Variants in APP observed in about 807,000 individuals in gnomAD.
APP encodes amyloid beta precursor protein, also known as amyloid-beta precursor protein.
Under a neutral mutation model 101.4 loss-of-function variants are expected in APP, and 31 were observed. The ratio of observed to expected loss-of-function variants is 0.31; its 90% CI spans 0.23 to 0.41. APP has a LOEUF of 0.41. APP is among the 10% of genes least tolerant of loss of function. APP has a pLI of 1.00. For synonymous variants in APP, 366 were observed against 364.4 expected (o/e 1.00, Z -0.05); for missense variants, 839 against 1,003.7 (o/e 0.84, Z 2.22).
intron 6 of APP, among the ~76,000 whole-genome samples, chr21:26,018,594 C>T (rs762438774): frequency 2.0e-5 from 3 of 152,126 alleles, no homozygotes; most frequent in Admixed American, 2.0e-4. Flanking sequence ...CTCGCATGGG[C>T]ACAACTGACC....
In APP at chr21:25,971,197, G is replaced by A. The variant is rs544756742; in HGVS notation, c.1458+3873C>T. Among the ~76,000 whole-genome samples, 93 of 150,722 alleles carry A rather than the reference G, an allele frequency of 6.2e-4. No homozygotes were observed. The East Asian group carries it at 0.012, about 19-fold the overall frequency. On this transcript the variant is annotated intron_variant, in intron 11 of 17. Transcript: ENST00000346798. ...TGAGTAGCTGGGACTACAGGTGTGC[G>A]CCACCACACCTGGCTAATTTTTTGT...
In APP at chr21:26,086,960, T is replaced by C. The variant is rs80321501; in HGVS notation, c.355+2983A>G. ...TTCAACCTCTCTGGATCTTGGTAGT[T>C]GTATAGCCTGTGAAGAGAGACGAAG... On this transcript the variant is annotated intron_variant, in intron 3 of 17. Transcript: ENST00000346798. Among the ~76,000 whole-genome samples, 169 of 152,332 alleles carry C rather than the reference T, an allele frequency of 1.1e-3. 5 individuals carry two copies. The East Asian group carries it at 0.029, about 26-fold the overall frequency.
chr21:26,012,364 G>T (rs1473973441), intron 6 of APP, among the ~76,000 whole-genome samples: 4 of 151,750 alleles, frequency 2.6e-5, no homozygotes, highest in Non-Finnish European at 5.9e-5. Flanking sequence ...CTGCTGTCTT[G>T]AAAATTAAGG....
chr21:25,945,855 AT>A (rs1326718499), intron 13 of APP: 2 of 453,974 alleles, frequency 4.4e-6, no homozygotes, highest in East Asian at 7.1e-5. Flanking sequence ...TGCCTGGATA[AT>A]TTTTTTGTAG....
intron 5 of APP, among the ~76,000 whole-genome samples, chr21:26,034,373 G>C (rs890609601): frequency 1.3e-5 from 2 of 152,118 alleles, no homozygotes; most frequent in Non-Finnish European, 2.9e-5. Flanking sequence ...GGCCAGGCAC[G>C]GTGGCTCAGG....
chr21:26,000,257 C>A lies in APP; in HGVS notation c.866-75G>T, dbSNP rs147039821. 37 of 1,581,480 alleles carry A rather than the reference C, an allele frequency of 2.3e-5. 1 individual carries two copies. In the East Asian group the frequency reaches 8.3e-4, roughly 36 times the overall value. The stretch of plus-strand genomic sequence containing the variant: ...CTCTCTGTTCATGTATACACGTTTA[C>A]TTCTTTTAATCCTCCCAGTGGCAAC... On this transcript the variant is annotated intron_variant, in intron 6 of 17. Coordinates refer to ENST00000346798, the MANE Select transcript of APP (RefSeq NM_000484.4).
intron 13 of APP, among the ~76,000 whole-genome samples, chr21:25,947,682 A>G (rs1384068239): frequency 6.6e-6 from 1 of 152,172 alleles, no homozygotes; most frequent in East Asian, 1.9e-4. Context: ...CAATGGGGGA[A>G]CAAGGCTTTG....
At chr21:26,095,639 G>A (rs2061925152) in intron 2 of APP, among the ~76,000 whole-genome samples, 1 of 152,134 alleles carries the variant, frequency 6.6e-6, no homozygotes, top group African/African-American at 2.4e-5. Context: ...GCATTCACTG[G>A]GGGTCTTGGA....
intron 7 of APP, among the ~76,000 whole-genome samples, chr21:25,999,277 A>G (rs1431029474): frequency 1.3e-5 from 2 of 152,172 alleles, no homozygotes; most frequent in African/African-American, 4.8e-5. Flanking sequence ...GTGAGACAGA[A>G]TGAGACCCTG....
intron 2 of APP, among the ~76,000 whole-genome samples, chr21:26,102,514 CTATTTA>C (rs937572058): frequency 1.3e-5 from 2 of 152,014 alleles, no homozygotes; most frequent in Non-Finnish European, 2.9e-5. Context: ...TTGTTTTGTT[CTATTTA>C]TATTTATAAA....
chr21:26,073,211 G>C (rs1431459942), intron 3 of APP, among the ~76,000 whole-genome samples: 4 of 152,058 alleles, frequency 2.6e-5, no homozygotes, highest in Admixed American at 6.6e-5. Flanking sequence ...TCTGAATTCT[G>C]ATTCTAAATA....
intron 13 of APP, among the ~76,000 whole-genome samples, chr21:25,924,429 G>GAAAAAAAAAAAAAAAAAA (rs1338097815): frequency 1.9e-5 from 1 of 53,692 alleles, no homozygotes; most frequent in South Asian, 9.8e-4. Flanking sequence ...AAAAAAAAAG[G>GAAAAAAAAAAAAAAAAAA]AAAAAAAAAA....
In APP at chr21:25,976,291, C is replaced by T. The variant is rs3737416; in HGVS notation, c.1225-263G>A. The stretch of plus-strand genomic sequence containing the variant: ...AGTCAAGGTTGGTCTTTTTTTACCC[C>T]GAGAACTGACAGTCATTTGATTTGA... On this transcript the variant is annotated intron_variant, in intron 9 of 17. Coordinates refer to ENST00000346798, the MANE Select transcript of APP (RefSeq NM_000484.4). Among the ~76,000 whole-genome samples the T allele has an allele frequency of 0.091, 13,767 of 151,762 alleles. 990 individuals carry two copies. The highest frequency in any genetic ancestry group is 0.19 in the African/African-American group (7,982 of 41,322).
At chr21:25,935,704 G>A (rs2040330751) in intron 13 of APP, among the ~76,000 whole-genome samples, 2 of 152,074 alleles carry the variant, frequency 1.3e-5, no homozygotes, top group Admixed American at 1.3e-4. Context: ...GCTGGGTGTG[G>A]TGGTGCGCGC....
At chr21:26,052,768 G>A (rs1036830195) in intron 4 of APP, among the ~76,000 whole-genome samples, 1 of 151,978 alleles carries the variant, frequency 6.6e-6, no homozygotes, top group African/African-American at 2.4e-5. Context: ...TAGATAACAG[G>A]GGAAAAGGCT....
chr21:26,109,057 T>C (rs1267329630), intron 2 of APP, among the ~76,000 whole-genome samples: 2 of 152,138 alleles, frequency 1.3e-5, no homozygotes, highest in Non-Finnish European at 2.9e-5. Flanking sequence ...GTGTGTATCA[T>C]CCAACAAGAC....
At chr21:25,952,301 G>T (rs1266631979) in intron 13 of APP, among the ~76,000 whole-genome samples, 1 of 151,144 alleles carries the variant, frequency 6.6e-6, no homozygotes, top group Non-Finnish European at 1.5e-5. Flanking sequence ...ACAACGTGCA[G>T]GTCTGTTACA....
rs796567677 is a variant in APP, at chr21:26,083,588, C to A, written c.355+6355G>T. Among the ~76,000 whole-genome samples, 2 of 152,178 alleles carry A rather than the reference C, an allele frequency of 1.3e-5. 1 individual carries two copies. Among genetic ancestry groups the A allele is most frequent in the South Asian group, 4.1e-4 (2 of 4,836 alleles). The stretch of plus-strand genomic sequence containing the variant: ...GTTACTTTTGTAATCAGAGAAATTT[C>A]TTTTGAGCACACATTTGCAATTCTT... On this transcript the variant is annotated intron_variant, in intron 3 of 17. Coordinates refer to ENST00000346798, the MANE Select transcript of APP (RefSeq NM_000484.4).
chr21:26,057,275 G>C (rs1168450559), intron 3 of APP, among the ~76,000 whole-genome samples: 1 of 152,124 alleles, frequency 6.6e-6, no homozygotes, highest in African/African-American at 2.4e-5. Context: ...TCTGATGTAA[G>C]AGATCAAAGA....
Sources: gnomAD v4.1 joint callset for allele counts (sites outside exome capture counted in the v4.1 genomes callset) on GRCh38, gnomAD v4.1.1 for gene constraint, MANE v1.5 for transcripts, NCBI Gene and HGNC (gene_info 2026-07-23, HGNC 2026-07-21) for gene names.